PLA2G12B: variants seen among roughly 807,000 people sequenced by gnomAD.
PLA2G12B encodes the protein group XIIB secretory phospholipase A2-like protein.
A neutral mutation model predicts 22.3 loss-of-function variants in PLA2G12B; 19 were observed. The observed-to-expected ratio is 0.85, with a 90% CI of 0.60 to 1.25. PLA2G12B has a LOEUF of 1.25. Among genes scored for constraint, PLA2G12B ranks in the 50% most tolerant of loss-of-function variants. PLA2G12B has a pLI of 0.00. For missense variants in PLA2G12B, 191 were observed against 246.6 expected (o/e 0.77, Z 1.51); for synonymous variants, 81 against 94.9 (o/e 0.85, Z 0.85).
intron 3 of PLA2G12B, among the ~76,000 whole-genome samples, chr10:72,938,115 GAAAA>G (rs78360766): frequency 1.5e-4 from 9 of 59,104 alleles, no homozygotes; most frequent in Non-Finnish European, 2.5e-4. Context: ...CTCCATCTCA[GAAAA>G]AAAAAAAAAA....
chr10:72,941,771 A>G (rs1846365152), intron 2 of PLA2G12B, among the ~76,000 whole-genome samples: 1 of 152,092 alleles, frequency 6.6e-6, no homozygotes. Flanking sequence ...CCGTTCATCA[A>G]AAGATCACCA....
chr10:72,940,133 C>T (rs1050652857), intron 3 of PLA2G12B, among the ~76,000 whole-genome samples: 4 of 152,174 alleles, frequency 2.6e-5, no homozygotes, highest in African/African-American at 9.7e-5. Flanking sequence ...GAATTATTCA[C>T]ATTTCTAAGC....
intron 3 of PLA2G12B, among the ~76,000 whole-genome samples, chr10:72,938,018 G>T (rs942685372): frequency 6.6e-6 from 1 of 151,612 alleles, no homozygotes; most frequent in South Asian, 2.1e-4. Context: ...GGAGGCCAAG[G>T]CAGGAGAATC....
chr10:72,935,563 T>C lies in PLA2G12B; in HGVS notation c.*54A>G. ...CACGCTGACTCGAAGACTTGACATC[T>C]TGAAGGCTGACAGCTGTGGTGTCAC... is the stretch of plus-strand genomic sequence containing the variant. On this transcript the variant is annotated 3_prime_UTR_variant, in exon 4 of 4. Transcript: ENST00000373032. 2 of 1,605,318 alleles carry C rather than the reference T, an allele frequency of 1.2e-6. 1 individual carries two copies. The highest frequency in any genetic ancestry group is 3.4e-5 in the Admixed American group (2 of 59,168).
At chr10:72,954,410 C>G in intron 1 of PLA2G12B, 65 bp downstream of exon 1, 2 of 1,599,080 alleles carry the variant, frequency 1.3e-6, no homozygotes. Flanking sequence ...AGATCGTGAC[C>G]TCTCTGGGGC....
chr10:72,937,680 G>A (rs1846299361), intron 3 of PLA2G12B, among the ~76,000 whole-genome samples: 1 of 151,870 alleles, frequency 6.6e-6, no homozygotes, highest in Non-Finnish European at 1.5e-5. Context: ...CATATAAAAA[G>A]GTTTACATCA....
Position 72,941,205 on chromosome 10 carries a change from G to A in PLA2G12B, c.430C>T (p.Leu144Phe). ...RWCLHSICSD[L>F]KRSLGFVSKV... is the part of the protein sequence containing the mutation. ...GAGACAAAGCCCAGACTCCGCTTAA[G>A]GTCAGAGCAGATCGAGTGGAGACAC... The change falls in exon 3 of 4, where the codon CTT becomes TTT. Residue 144 changes from leucine (L) to phenylalanine (F), a missense_variant. By Grantham distance (22) the Leu-to-Phe change is conservative. Coordinates refer to ENST00000373032, the MANE Select transcript of PLA2G12B (RefSeq NM_032562.5). The A allele has an allele frequency of 7.4e-6, 12 of 1,614,136 alleles. No homozygotes were observed. The highest frequency in any genetic ancestry group is 5.5e-5 in the South Asian group (5 of 91,076).
Position 72,951,695 on chromosome 10 carries a change from G to A in PLA2G12B, c.211+2780C>T, listed in dbSNP as rs181220805. Among the ~76,000 whole-genome samples, 136 of 152,132 alleles carry A rather than the reference G, an allele frequency of 8.9e-4. 1 individual carries two copies. The highest frequency in any genetic ancestry group is 2.6e-3 in the African/African-American group (108 of 41,496). ...AGGATGGTCTCGATCTCCTGACATC[G>A]TGATCTGCCTGCCTTGGCCTCCCAA... On this transcript the variant is annotated intron_variant, in intron 1 of 3. Coordinates refer to ENST00000373032, the MANE Select transcript of PLA2G12B (RefSeq NM_032562.5).
chr10:72,949,639 G>A (rs1846495326), intron 1 of PLA2G12B, among the ~76,000 whole-genome samples: 1 of 152,122 alleles, frequency 6.6e-6, no homozygotes, highest in South Asian at 2.1e-4. Context: ...TATAGGCATG[G>A]CTTCATCAAC....
At chr10:72,945,088 G>A (rs1179078534) in intron 1 of PLA2G12B, among the ~76,000 whole-genome samples, 2 of 152,100 alleles carry the variant, frequency 1.3e-5, no homozygotes, top group East Asian at 1.9e-4. Context: ...GGATATTAGG[G>A]GACACTAAGC....
Position 72,954,562 on chromosome 10 carries a change from T to C in PLA2G12B, c.124A>G (p.Ser42Gly), listed in dbSNP as rs1406197059. ...SDWGLRHLRG[S>G]FESVNSYFDS... Reference sequence around the variant, plus strand: ...AAGTAGCTATTGACGGATTCAAAGCTTCCCCGGAGGTGCCGAAGGCCCCAG... The same window carrying C: ...AAGTAGCTATTGACGGATTCAAAGCCTCCCCGGAGGTGCCGAAGGCCCCAG... Residue 42 changes from serine (S) to glycine (G), a missense_variant, in exon 1 of 4, where the codon AGC (serine) becomes GGC (glycine). Transcript: ENST00000373032. 1.2e-6 allele frequency: 2 copies of C among 1,614,176 alleles called. No individual in the cohort carries two copies. Among genetic ancestry groups the C allele is most frequent in the East Asian group, 4.5e-5 (2 of 44,870 alleles).
chr10:72,950,550 G>A (rs191832928), intron 1 of PLA2G12B, among the ~76,000 whole-genome samples: 4 of 152,050 alleles, frequency 2.6e-5, no homozygotes, highest in African/African-American at 4.8e-5. Context: ...GCACGATCTC[G>A]GCTCACTGCA....
At chr10:72,945,258 G>A (rs1388539285) in intron 1 of PLA2G12B, among the ~76,000 whole-genome samples, 2 of 152,166 alleles carry the variant, frequency 1.3e-5, no homozygotes, top group Non-Finnish European at 2.9e-5. Flanking sequence ...AGAAGTGGAG[G>A]TGTGTTCCTC....
At chr10:72,944,732 T>G (rs1846413930) in intron 1 of PLA2G12B, among the ~76,000 whole-genome samples, 1 of 152,222 alleles carries the variant, frequency 6.6e-6, no homozygotes, top group Admixed American at 6.5e-5. Context: ...GACTCATGCC[T>G]CTGGTATAGT....
At chr10:72,952,507 T>C (rs1846548254) in intron 1 of PLA2G12B, among the ~76,000 whole-genome samples, 1 of 152,184 alleles carries the variant, frequency 6.6e-6, no homozygotes, top group Non-Finnish European at 1.5e-5. Flanking sequence ...ACAGGTGAGT[T>C]TGAGAACCAC....
At chr10:72,951,318 A>G (rs1846526878) in intron 1 of PLA2G12B, among the ~76,000 whole-genome samples, 1 of 152,144 alleles carries the variant, frequency 6.6e-6, no homozygotes, top group Non-Finnish European at 1.5e-5. Flanking sequence ...GTCTGGTTCA[A>G]AGACTACCCA....
rs574273496 is a variant in PLA2G12B, at chr10:72,948,333, A to G, written c.212-5593T>C. Reference sequence around the variant, plus strand: ...TGAAAGATACCGGAATGGAATTCCTATCCGGCCTGCAGCTGATGATGGTTA... The same window carrying G: ...TGAAAGATACCGGAATGGAATTCCTGTCCGGCCTGCAGCTGATGATGGTTA... On this transcript the variant is annotated intron_variant, in intron 1 of 3. Transcript: ENST00000373032. Among the ~76,000 whole-genome samples the G allele has an allele frequency of 2.0e-5, 3 of 152,344 alleles. No homozygotes were observed. In the South Asian group the frequency reaches 6.2e-4, roughly 32 times the overall value.
In PLA2G12B at chr10:72,935,498, CTG is replaced by C; in HGVS notation, c.*117_*118del. ...GCTGTAGAAAAATGTTCCCTTTCTC[CTG>C]CTTTGTGGTGTCCAAACTGTTGGAA... is the stretch of plus-strand genomic sequence containing the variant. On this transcript the variant is annotated 3_prime_UTR_variant, in exon 4 of 4. Transcript: ENST00000373032. 7.1e-7 allele frequency: 1 copy of C among 1,413,446 alleles called. No homozygotes were observed. The highest frequency in any genetic ancestry group is 1.4e-5 in the South Asian group (1 of 69,116). The allele number at this position is 1,413,446 out of a possible 1,614,324, so 87.6% of individuals were successfully genotyped here. A position where few individuals can be genotyped will look rare whatever the true frequency, so the allele number is the denominator to read the frequency against.
At position 72,935,538 on chromosome 10, in the gene PLA2G12B, C is replaced by G; in HGVS notation, c.*79G>C. 1.3e-6 allele frequency: 2 copies of G among 1,571,256 alleles called. No homozygotes were observed. Among genetic ancestry groups the G allele is most frequent in the Non-Finnish European group, 1.7e-6 (2 of 1,156,024 alleles). On this transcript the variant is annotated 3_prime_UTR_variant, in exon 4 of 4. Transcript: ENST00000373032. The stretch of plus-strand genomic sequence containing the variant: ...CAAACTGTTGGAAGAACGAATGAGT[C>G]ACGCTGACTCGAAGACTTGACATCT...
Sources: gnomAD v4.1 joint callset for allele counts (sites outside exome capture counted in the v4.1 genomes callset) on GRCh38, gnomAD v4.1.1 for gene constraint, MANE v1.5 for transcripts, NCBI Gene and HGNC (gene_info 2026-07-23, HGNC 2026-07-21) for gene names.